Variants in ACOXL observed in about 807,000 individuals in gnomAD.
The protein encoded by ACOXL is acyl-coenzyme A oxidase-like protein.
A neutral mutation model predicts 71.9 loss-of-function variants in ACOXL; 70 were observed. That is an observed-to-expected ratio of 0.97 (90% CI 0.80 to 1.19). The LOEUF (loss-of-function observed/expected upper bound fraction) is 1.19, where lower values mean the gene tolerates loss of function less well. ACOXL is among the 50% of genes most tolerant of loss of function. The pLI is 0.00. For synonymous variants in ACOXL, 253 were observed against 281.6 expected, an observed-to-expected ratio of 0.90 and a Z score of 1.02; for missense variants, 703 against 736.3, an observed-to-expected ratio of 0.95 and a Z score of 0.52.
intron 10 of ACOXL, among the ~76,000 whole-genome samples, chr2:110,893,498 G>T (rs1325181854): frequency 2.0e-5 from 3 of 152,136 alleles, no homozygotes; most frequent in African/African-American, 7.2e-5. Context: ...TATACACTGG[G>T]AGAAGGAATA....
At chr2:110,976,266 C>T (rs888349984) in intron 12 of ACOXL, among the ~76,000 whole-genome samples, 3 of 152,224 alleles carry the variant, frequency 2.0e-5, no homozygotes, top group African/African-American at 7.2e-5. Context: ...CCCATACATC[C>T]TTGGATATCT....
At chr2:110,818,852 C>T (rs1003490521) in intron 9 of ACOXL, among the ~76,000 whole-genome samples, 3 of 64,412 alleles carry the variant, frequency 4.7e-5, no homozygotes, top group Admixed American at 4.6e-4. Context: ...TGGGAGCACA[C>T]GGAAGCTCGT....
At chr2:110,866,932 G>C (rs1334133225) in intron 10 of ACOXL, among the ~76,000 whole-genome samples, 1 of 152,206 alleles carries the variant, frequency 6.6e-6, no homozygotes, top group Non-Finnish European at 1.5e-5. Flanking sequence ...ACAAAGATGA[G>C]GTGCAGAAAG....
intron 10 of ACOXL, among the ~76,000 whole-genome samples, chr2:110,844,927 G>A (rs1178059358): frequency 2.6e-5 from 4 of 152,154 alleles, no homozygotes; most frequent in Non-Finnish European, 4.4e-5. Context: ...GATGAGGGAT[G>A]TAGGTTTCTG....
At chr2:110,974,603 A>G (rs1245854982) in intron 12 of ACOXL, among the ~76,000 whole-genome samples, 1 of 152,196 alleles carries the variant, frequency 6.6e-6, no homozygotes, top group Non-Finnish European at 1.5e-5. Context: ...GAGATTTTGC[A>G]TATATTGTTC....
intron 10 of ACOXL, among the ~76,000 whole-genome samples, chr2:110,846,109 T>C (rs1256513361): frequency 1.3e-5 from 2 of 152,150 alleles, no homozygotes; most frequent in African/African-American, 2.4e-5. Context: ...GGGATACCTT[T>C]GGCATCAAGA....
chr2:110,770,428 C>T (rs1681748174), intron 2 of ACOXL, among the ~76,000 whole-genome samples: 2 of 152,214 alleles, frequency 1.3e-5, no homozygotes, highest in Non-Finnish European at 2.9e-5. Flanking sequence ...AGAGCCTTGG[C>T]ACCACCTGCG....
At chr2:110,745,455 C>T (rs938110341) in intron 1 of ACOXL, among the ~76,000 whole-genome samples, 19 of 152,152 alleles carry the variant, frequency 1.2e-4, no homozygotes, top group African/African-American at 4.6e-4. Flanking sequence ...GTAGTTTGGG[C>T]AGAGGGAGTG....
intron 1 of ACOXL, among the ~76,000 whole-genome samples, chr2:110,767,468 A>G (rs1296380831): frequency 1.3e-5 from 2 of 152,238 alleles, no homozygotes; most frequent in Non-Finnish European, 2.9e-5. Context: ...TCTGCAGGCA[A>G]GTGGGCTCCC....
intron 14 of ACOXL, among the ~76,000 whole-genome samples, chr2:111,019,954 C>T (rs764696647): frequency 6.6e-6 from 1 of 152,128 alleles, no homozygotes; most frequent in Non-Finnish European, 1.5e-5. Flanking sequence ...ACTACCTCTC[C>T]GGTTCAAGCG....
At chr2:110,924,882 C>T (rs534959958) in intron 11 of ACOXL, among the ~76,000 whole-genome samples, 26 of 152,132 alleles carry the variant, frequency 1.7e-4, no homozygotes, top group East Asian at 7.7e-4. Context: ...CAGCCATAGC[C>T]TTATGAAATG....
intron 10 of ACOXL, among the ~76,000 whole-genome samples, chr2:110,874,217 G>T (rs1300938655): frequency 6.6e-6 from 1 of 152,226 alleles, no homozygotes; most frequent in Non-Finnish European, 1.5e-5. Context: ...CTTTTGGGGG[G>T]GTGGTGAGGG....
chr2:110,787,977 G>A (rs959350115), intron 3 of ACOXL, among the ~76,000 whole-genome samples: 3 of 152,146 alleles, frequency 2.0e-5, no homozygotes, highest in South Asian at 2.1e-4. Context: ...ACTACCACAA[G>A]AGGGAAAACT....
Position 110,815,112 on chromosome 2 carries a change from T to C in ACOXL, c.753+9717T>C, listed in dbSNP as rs59616954. On this transcript the variant is annotated intron_variant, in intron 9 of 17. Transcript: ENST00000439055. ...GGAAGGGCGAGCAAATATGTCCTTC[T>C]TCATATGGTGGCAGCAAGGAGAAGT... Among the ~76,000 whole-genome samples, 770 of 152,298 alleles carry C rather than the reference T, an allele frequency of 5.1e-3. 6 individuals carry two copies. Among genetic ancestry groups the C allele is most frequent in the African/African-American group, 0.018 (742 of 41,562 alleles).
chr2:110,936,868 G>A (rs1432430281), intron 12 of ACOXL, among the ~76,000 whole-genome samples: 1 of 145,488 alleles, frequency 6.9e-6, no homozygotes, highest in Non-Finnish European at 1.5e-5. Context: ...TTTTTTTTGA[G>A]ATGGAGTCTT....
In ACOXL at chr2:110,943,229, G is replaced by T. The variant is rs1284454861; in HGVS notation, c.1059+9587G>T. 2.2e-5 allele frequency among the ~76,000 whole-genome samples: 3 copies of T among 134,306 alleles called. No homozygotes were observed. In the Admixed American group the frequency reaches 2.3e-4, roughly 10 times the overall value. 88.1% of individuals were successfully genotyped at this position (134,306 alleles called of 152,430 possible). A position where few individuals can be genotyped will look rare whatever the true frequency, so the allele number is the denominator to read the frequency against. On this transcript the variant is annotated intron_variant, in intron 12 of 17. Coordinates refer to ENST00000439055, the MANE Select transcript of ACOXL (RefSeq NM_001142807.4). Reference sequence around the variant, plus strand: ...GGAAAGGAAGAAGGAAGGAAAGAAGGAAGCAAGAAAGAGAAAGAAAAAGAA... The same window carrying T: ...GGAAAGGAAGAAGGAAGGAAAGAAGTAAGCAAGAAAGAGAAAGAAAAAGAA...
chr2:110,942,405 C>T (rs1422719375), intron 12 of ACOXL, among the ~76,000 whole-genome samples: 1 of 152,080 alleles, frequency 6.6e-6, no homozygotes, highest in Non-Finnish European at 1.5e-5. Flanking sequence ...CAAAACAAAG[C>T]TGGAGTGACA....
At chr2:110,865,678 T>G (rs1694500651) in intron 10 of ACOXL, among the ~76,000 whole-genome samples, 1 of 152,240 alleles carries the variant, frequency 6.6e-6, no homozygotes, top group South Asian at 2.1e-4. Context: ...CTCTGCCCCT[T>G]GCAGAGGCCA....
intron 9 of ACOXL, among the ~76,000 whole-genome samples, chr2:110,820,413 C>A (rs1397790168): frequency 6.6e-6 from 1 of 152,040 alleles, no homozygotes; most frequent in African/African-American, 2.4e-5. Context: ...TTTTTCCTCA[C>A]AGACAGGAGG....
Sources: allele counts gnomAD v4.1 joint callset (sites outside exome capture counted in the v4.1 genomes callset), GRCh38; gene constraint gnomAD v4.1.1; transcripts MANE v1.5; gene names NCBI Gene and HGNC (gene_info 2026-07-23, HGNC 2026-07-21).